Variants in ZRANB3 observed in about 807,000 individuals in gnomAD.
ZRANB3 encodes the protein DNA annealing helicase and endonuclease ZRANB3.
Under a neutral mutation model 133.8 loss-of-function variants are expected in ZRANB3, and 125 were observed. That is an observed-to-expected ratio of 0.93 (90% CI 0.81 to 1.08). The LOEUF (loss-of-function observed/expected upper bound fraction) is 1.08, where lower values mean the gene tolerates loss of function less well. ZRANB3 is among the 50% of genes least tolerant of loss of function. The pLI, the probability that ZRANB3 is intolerant of heterozygous loss-of-function variation, is 0.00. For missense variants in ZRANB3, 1,229 were observed against 1,275.5 expected (o/e 0.96, Z 0.56); for synonymous variants, 387 against 432.7 (o/e 0.89, Z 1.31).
intron 3 of ZRANB3, among the ~76,000 whole-genome samples, chr2:135,379,622 T>C (rs1479973727): frequency 6.6e-6 from 1 of 152,154 alleles, no homozygotes; most frequent in Non-Finnish European, 1.5e-5. Flanking sequence ...AGAGATTTTG[T>C]CACCACCAGG....
rs139099812 is a variant in ZRANB3, at chr2:135,374,635, G to C, written c.180+16167C>G. ...TCCTGCCTCAGCCTCCTGAGTAACT[G>C]GGATTAGAGGCACCTCCCACCACAC... On this transcript the variant is annotated intron_variant, in intron 3 of 20. Transcript: ENST00000264159. Among the ~76,000 whole-genome samples, 210 of 151,452 alleles carry C rather than the reference G, an allele frequency of 1.4e-3. 1 individual carries two copies. Among genetic ancestry groups the C allele is most frequent in the South Asian group, 0.012 (56 of 4,778 alleles).
intron 12 of ZRANB3, among the ~76,000 whole-genome samples, chr2:135,240,274 C>T (rs546755273): frequency 6.6e-6 from 1 of 152,138 alleles, no homozygotes; most frequent in Admixed American, 6.6e-5. Context: ...GTCCAGGAGT[C>T]CCACACCAGT....
Position 135,313,062 on chromosome 2 carries a change from T to G in ZRANB3, c.966+427A>C, listed in dbSNP as rs1286548908. ...GAAAAGAAAAAAATGAATATATATA[T>G]AATTTAAATGAGAAAGTATAACGTA... On this transcript the variant is annotated intron_variant, in intron 8 of 20. Coordinates refer to ENST00000264159, the MANE Select transcript of ZRANB3 (RefSeq NM_032143.4). Among the ~76,000 whole-genome samples the G allele has an allele frequency of 2.7e-5, 4 of 149,712 alleles. No individual in the cohort carries two copies. In the South Asian group the frequency reaches 8.5e-4, roughly 32 times the overall value.
intron 3 of ZRANB3, among the ~76,000 whole-genome samples, chr2:135,383,866 C>T (rs1686836884): frequency 1.3e-5 from 2 of 151,898 alleles, no homozygotes; most frequent in Admixed American, 6.6e-5. Context: ...AAATTTATAC[C>T]ACTAAATGCC....
chr2:135,470,842 C>G (rs1162413814), intron 2 of ZRANB3, among the ~76,000 whole-genome samples: 1 of 148,888 alleles, frequency 6.7e-6, no homozygotes, highest in East Asian at 2.0e-4. Flanking sequence ...CACTCTGTCG[C>G]CCAGGCTGGA....
At chr2:135,451,034 C>T (rs756658090) in intron 2 of ZRANB3, among the ~76,000 whole-genome samples, 49 of 152,170 alleles carry the variant, frequency 3.2e-4, no homozygotes, top group Non-Finnish European at 6.5e-4. Context: ...GCTCATAATT[C>T]ACACAGAATA....
intron 12 of ZRANB3, among the ~76,000 whole-genome samples, chr2:135,233,057 C>T (rs1421377977): frequency 2.0e-5 from 3 of 152,090 alleles, no homozygotes; most frequent in Admixed American, 1.3e-4. Flanking sequence ...AAAAATTAGA[C>T]GAATGGCTAA....
intron 19 of ZRANB3, among the ~76,000 whole-genome samples, chr2:135,203,231 G>A (rs1182912838): frequency 1.3e-5 from 2 of 152,044 alleles, no homozygotes; most frequent in African/African-American, 4.8e-5. Flanking sequence ...CAAGACTCCT[G>A]ACAGATTGGG....
At chr2:135,260,626 A>G (rs935380185) in intron 12 of ZRANB3, among the ~76,000 whole-genome samples, 106 of 147,322 alleles carry the variant, frequency 7.2e-4, no homozygotes, top group African/African-American at 2.5e-3. Flanking sequence ...TATATATACT[A>G]TACTATATGT....
intron 2 of ZRANB3, among the ~76,000 whole-genome samples, chr2:135,497,591 A>G (rs777258678): frequency 3.9e-5 from 6 of 152,258 alleles, no homozygotes; most frequent in Non-Finnish European, 8.8e-5. Flanking sequence ...CATAAAGAAT[A>G]TTTCCATCAC....
chr2:135,507,338 T>C (rs775098938), intron 1 of ZRANB3, among the ~76,000 whole-genome samples: 1 of 152,178 alleles, frequency 6.6e-6, no homozygotes, highest in Non-Finnish European at 1.5e-5. Flanking sequence ...CTGAAGTTCC[T>C]ATAGGGAGAG....
intron 2 of ZRANB3, among the ~76,000 whole-genome samples, chr2:135,488,523 ATATT>A (rs915698706): frequency 9.9e-5 from 15 of 150,826 alleles, no homozygotes; most frequent in Admixed American, 7.2e-4. Context: ...TATAGCATAT[ATATT>A]TGATTATACT....
intron 2 of ZRANB3, among the ~76,000 whole-genome samples, chr2:135,419,230 C>T (rs746638653): frequency 4.6e-5 from 7 of 151,956 alleles, no homozygotes; most frequent in Non-Finnish European, 1.0e-4. Flanking sequence ...AGCCACCGCA[C>T]CTAGGCTTTT....
chr2:135,303,882 A>T (rs1319322854), intron 8 of ZRANB3, among the ~76,000 whole-genome samples: 1 of 152,130 alleles, frequency 6.6e-6, no homozygotes, highest in Non-Finnish European at 1.5e-5. Context: ...AAATTAGTTC[A>T]TGATTTTGGA....
chr2:135,478,968 A>G (rs533508028), intron 2 of ZRANB3, among the ~76,000 whole-genome samples: 2 of 151,954 alleles, frequency 1.3e-5, no homozygotes, highest in South Asian at 4.1e-4. Flanking sequence ...ATACTGATAT[A>G]CCTACAGGAA....
At chr2:135,482,966 C>A (rs1172572534) in intron 2 of ZRANB3, among the ~76,000 whole-genome samples, 1 of 151,874 alleles carries the variant, frequency 6.6e-6, no homozygotes, top group Non-Finnish European at 1.5e-5. Flanking sequence ...AGGGATGAAG[C>A]CCACTTGATC....
At chr2:135,315,221 A>T (rs2104826813) in intron 7 of ZRANB3, 138 bp downstream of exon 7, 1 of 776,428 alleles carries the variant, frequency 1.3e-6, no homozygotes, top group African/African-American at 1.8e-5. Context: ...ATACAAAACC[A>T]ATGTATAGGC....
intron 6 of ZRANB3, among the ~76,000 whole-genome samples, chr2:135,325,857 T>C (rs1258567052): frequency 1.3e-5 from 2 of 152,168 alleles, no homozygotes; most frequent in Admixed American, 6.5e-5. Context: ...CAAAGGAGAA[T>C]TGTCTCCAAA....
intron 2 of ZRANB3, among the ~76,000 whole-genome samples, chr2:135,418,753 G>C: frequency 6.6e-6 from 1 of 151,968 alleles, no homozygotes; most frequent in East Asian, 1.9e-4. Context: ...GCAGAGATGA[G>C]AGCTTAAAGA....
Sources: allele counts gnomAD v4.1 joint callset (sites outside exome capture counted in the v4.1 genomes callset), GRCh38; gene constraint gnomAD v4.1.1; transcripts MANE v1.5; gene names NCBI Gene and HGNC (gene_info 2026-07-23, HGNC 2026-07-21).